The following FAM107B variants were observed in gnomAD, a reference collection of about 807,000 sequenced individuals.
FAM107B encodes the protein family with sequence similarity 107 member B.
In FAM107B, 21 loss-of-function variants were observed where a neutral mutation model predicts 31.5. The observed-to-expected ratio is 0.67, with a 90% confidence interval of 0.47 to 0.96. The LOEUF is 0.96. Among genes scored for constraint, FAM107B ranks in the 40% least tolerant of loss-of-function variants. The pLI, the probability that FAM107B is intolerant of heterozygous loss-of-function variation, is 0.00. For missense variants in FAM107B, 452 were observed against 377.1 expected, an observed-to-expected ratio of 1.20 and a Z score of -1.64; for synonymous variants, 157 against 141.5, an observed-to-expected ratio of 1.11 and a Z score of -0.78.
At chr10:14,747,781 C>T (rs112259350) in intron 1 of FAM107B, among the ~76,000 whole-genome samples, 1 of 152,204 alleles carries the variant, frequency 6.6e-6, no homozygotes. Context: ...TCAGGAGGCA[C>T]AGGATCTGGG....
At chr10:14,749,427 T>C (rs11259303) in intron 1 of FAM107B, among the ~76,000 whole-genome samples, 7,302 of 152,268 alleles carry the variant, frequency 0.048, 496 homozygotes, top group East Asian at 0.16. Context: ...GGCAGTGCCT[T>C]GTTCCTTCTT....
intron 2 of FAM107B, among the ~76,000 whole-genome samples, chr10:14,576,529 A>AAACAACAACAACAAC (rs113340570): frequency 0.082 from 12,066 of 147,236 alleles, 585 homozygotes; most frequent in East Asian, 0.18. Flanking sequence ...TACATCTCAA[A>AAACAACAACAACAAC]AACAACAACA....
chr10:14,600,255 C>G (rs1178590556), intron 2 of FAM107B, among the ~76,000 whole-genome samples: 16 of 152,336 alleles, frequency 1.1e-4, no homozygotes, highest in Non-Finnish European at 4.4e-5. Context: ...CCCAGGGCTA[C>G]TGGCCATGAG....
intron 1 of FAM107B, among the ~76,000 whole-genome samples, chr10:14,690,921 C>G (rs925384462): frequency 1.7e-4 from 23 of 132,392 alleles, no homozygotes; most frequent in Admixed American, 7.9e-4. Context: ...TTCATTATTT[C>G]ATGGGCATTT....
chr10:14,535,999 A>C (rs572660610), intron 2 of FAM107B, among the ~76,000 whole-genome samples: 8 of 152,336 alleles, frequency 5.3e-5, no homozygotes, highest in African/African-American at 1.9e-4. Flanking sequence ...TGCTTTCCAG[A>C]GGTGAATTAC....
At chr10:14,525,552 C>T (rs185281919) in intron 3 of FAM107B, among the ~76,000 whole-genome samples, 2 of 152,342 alleles carry the variant, frequency 1.3e-5, no homozygotes, top group Admixed American at 1.3e-4. Context: ...AGTAGAGACC[C>T]TGTACCCATC....
At chr10:14,550,643 C>A (rs188882554) in intron 2 of FAM107B, among the ~76,000 whole-genome samples, 21 of 152,294 alleles carry the variant, frequency 1.4e-4, no homozygotes, top group East Asian at 1.4e-3. Flanking sequence ...CGGCTTCTTT[C>A]CCTGAGTTAC....
chr10:14,762,145 TG>T (rs1833061063), intron 1 of FAM107B, among the ~76,000 whole-genome samples: 1 of 142,888 alleles, frequency 7.0e-6, no homozygotes, highest in Non-Finnish European at 1.5e-5. Flanking sequence ...ATCCCTAGAT[TG>T]TTTGTTTTTC....
intron 2 of FAM107B, among the ~76,000 whole-genome samples, chr10:14,568,853 G>A (rs888810301): frequency 1.3e-5 from 2 of 151,916 alleles, no homozygotes; most frequent in Non-Finnish European, 2.9e-5. Context: ...CTGGAAGGAG[G>A]GGGAGAGACA....
chr10:14,540,252 T>C (rs1297945319), intron 2 of FAM107B, among the ~76,000 whole-genome samples: 1 of 152,224 alleles, frequency 6.6e-6, no homozygotes, highest in African/African-American at 2.4e-5. Context: ...GCTGGCAGTG[T>C]CACTTGGCCT....
intron 1 of FAM107B, among the ~76,000 whole-genome samples, chr10:14,751,990 T>C (rs1832836595): frequency 6.6e-6 from 1 of 152,206 alleles, no homozygotes; most frequent in Admixed American, 6.5e-5. Flanking sequence ...GCACCTCCCT[T>C]GCTCTGGGTT....
intron 2 of FAM107B, among the ~76,000 whole-genome samples, chr10:14,557,986 G>A (rs1458956279): frequency 6.6e-6 from 1 of 152,256 alleles, no homozygotes; most frequent in African/African-American, 2.4e-5. Flanking sequence ...GCAAACTACT[G>A]TTTAAAATGT....
At chr10:14,690,348 C>T (rs1413687898) in intron 1 of FAM107B, among the ~76,000 whole-genome samples, 2 of 152,264 alleles carry the variant, frequency 1.3e-5, no homozygotes, top group Non-Finnish European at 2.9e-5. Context: ...TTCCTCCCCT[C>T]ATCCTTCTGG....
At chr10:14,703,034 C>G (rs545718794) in intron 1 of FAM107B, among the ~76,000 whole-genome samples, 1 of 145,222 alleles carries the variant, frequency 6.9e-6, no homozygotes. Context: ...TCTATTCCCC[C>G]ACCCATTCAT....
At chr10:14,753,354 A>G (rs1797831804) in intron 1 of FAM107B, among the ~76,000 whole-genome samples, 1 of 152,214 alleles carries the variant, frequency 6.6e-6, no homozygotes, top group Admixed American at 6.5e-5. Context: ...GGAGTGATGG[A>G]TGGGAGCTTA....
chr10:14,656,657 A>C (rs1854065038), intron 2 of FAM107B, among the ~76,000 whole-genome samples: 1 of 152,250 alleles, frequency 6.6e-6, no homozygotes, highest in Admixed American at 6.5e-5. Flanking sequence ...CTGATTTTGG[A>C]TGTTAATGTC....
At chr10:14,759,209 T>TAAA (rs1350907151) in intron 1 of FAM107B, among the ~76,000 whole-genome samples, 3 of 151,478 alleles carry the variant, frequency 2.0e-5, no homozygotes. Flanking sequence ...AATAAATAAA[T>TAAA]AAATAAATAA....
At chr10:14,745,493 A>T (rs1225273211) in intron 1 of FAM107B, among the ~76,000 whole-genome samples, 2 of 151,988 alleles carry the variant, frequency 1.3e-5, no homozygotes, top group African/African-American at 4.8e-5. Context: ...AAATTCTGGT[A>T]TATTGTCTTT....
chr10:14,570,233 G>GGTGGGTGTGTGTGTGTGT lies in FAM107B; in HGVS notation c.470-39719_470-39718insACACACACACACACCCAC, dbSNP rs768204428. 5.3e-3 allele frequency among the ~76,000 whole-genome samples: 745 copies of GGTGGGTGTGTGTGTGTGT among 140,420 alleles called. 4 individuals carry two copies. The highest frequency in any genetic ancestry group is 8.7e-3 in the Non-Finnish European group (556 of 63,726). The allele number at this position is 140,420 out of a possible 152,430, so 92.1% of individuals were successfully genotyped here. A position where few individuals can be genotyped will look rare whatever the true frequency, so the allele number is the denominator to read the frequency against. On this transcript the variant is annotated intron_variant, in intron 2 of 4. Transcript: ENST00000181796. Reference sequence around the variant, plus strand: ...ACGTACCTACCAAAAAAATGTGGTGGGTGTGTGTGTGTGTGTGTGTGTGTG... The same window carrying GGTGGGTGTGTGTGTGTGT: ...ACGTACCTACCAAAAAAATGTGGTGGGTGGGTGTGTGTGTGTGTGTGTGTGTGTGTGTGTGTGTGTGTG...
Sources: allele counts gnomAD v4.1 joint callset (sites outside exome capture counted in the v4.1 genomes callset), GRCh38; gene constraint gnomAD v4.1.1; transcripts MANE v1.5; gene names NCBI Gene and HGNC (gene_info 2026-07-23, HGNC 2026-07-21).